CENPK: variants seen among roughly 807,000 people sequenced by gnomAD.
CENPK encodes SoxLZ/Sox6-binding protein Solt.
Under a neutral mutation model 40.9 loss-of-function variants are expected in CENPK, and 46 were observed. The ratio of observed to expected loss-of-function variants is 1.13; its 90% CI spans 0.89 to 1.44. The LOEUF is 1.44. Ranked by LOEUF, CENPK falls within the 40% of genes most tolerant of loss-of-function variation. The pLI is 0.00. For synonymous variants in CENPK, 107 were observed against 104.4 expected (o/e 1.02, Z -0.15); for missense variants, 288 against 303.5 (o/e 0.95, Z 0.38).
intron 9 of CENPK, among the ~76,000 whole-genome samples, chr5:65,523,441 T>A (rs1031103426): frequency 6.6e-6 from 1 of 151,854 alleles, no homozygotes; most frequent in African/African-American, 2.4e-5. Context: ...TTATAAAGCC[T>A]TGCAGAAATA....
At chr5:65,533,148 A>C (rs1746200321) in intron 6 of CENPK, among the ~76,000 whole-genome samples, 1 of 151,628 alleles carries the variant, frequency 6.6e-6, no homozygotes, top group Non-Finnish European at 1.5e-5. Context: ...TTAAGAGTTC[A>C]AGACCAGCCT....
chr5:65,501,752 T>A, the CENPK span, among the ~76,000 whole-genome samples: 18 of 152,100 alleles, frequency 1.2e-4, no homozygotes, highest in African/African-American at 4.3e-4. Context: ...CTTTGTGACA[T>A]CTGGGCAGCT....
intron 6 of CENPK, among the ~76,000 whole-genome samples, chr5:65,539,871 T>C (rs770110087): frequency 1.3e-5 from 2 of 152,246 alleles, no homozygotes; most frequent in Non-Finnish European, 2.9e-5. Context: ...CTGCAGTCTC[T>C]GCCACACCTA....
downstream of CENPK, among the ~76,000 whole-genome samples, chr5:65,514,635 T>C (rs1243431822): frequency 1.3e-5 from 2 of 152,206 alleles, no homozygotes; most frequent in East Asian, 3.8e-4. Context: ...TGGCATCACT[T>C]GACAAAATTG....
At chr5:65,545,493 T>C (rs1402076259) in intron 5 of CENPK, among the ~76,000 whole-genome samples, 2 of 151,860 alleles carry the variant, frequency 1.3e-5, no homozygotes, top group Admixed American at 6.6e-5. Context: ...CAACCCTGAA[T>C]TGCACATCCA....
At chr5:65,533,125 C>G (rs921656046) in intron 6 of CENPK, among the ~76,000 whole-genome samples, 15 of 151,424 alleles carry the variant, frequency 9.9e-5, no homozygotes, top group Non-Finnish European at 1.9e-4. Context: ...TTTGGGAGGC[C>G]GAGGACCTGA....
the CENPK span, among the ~76,000 whole-genome samples, chr5:65,496,253 CAAACA>C: frequency 5.7e-4 from 85 of 150,404 alleles, no homozygotes; most frequent in Admixed American, 4.3e-3. Flanking sequence ...GACCTTGTCT[CAAACA>C]AAACAAAACA....
chr5:65,547,673 T>G (rs955640485), intron 5 of CENPK, among the ~76,000 whole-genome samples: 1 of 149,730 alleles, frequency 6.7e-6, no homozygotes, highest in Admixed American at 6.7e-5. Flanking sequence ...GGGAATTTCT[T>G]TTTTTTTTTG....
At chr5:65,530,475 T>C (rs558902848) in intron 6 of CENPK, among the ~76,000 whole-genome samples, 4 of 152,308 alleles carry the variant, frequency 2.6e-5, no homozygotes, top group South Asian at 2.1e-4. Context: ...GGAAAGGGAA[T>C]AGTAAGTACA....
At chr5:65,556,315 A>C (rs1427385910) in intron 2 of CENPK, among the ~76,000 whole-genome samples, 1 of 152,050 alleles carries the variant, frequency 6.6e-6, no homozygotes, top group Non-Finnish European at 1.5e-5. Flanking sequence ...TCTATAAAAA[A>C]ATTTTAAAAA....
chr5:65,498,909 C>T, the CENPK span, among the ~76,000 whole-genome samples: 29 of 152,136 alleles, frequency 1.9e-4, 1 homozygote, highest in Admixed American at 1.0e-3. Context: ...GTTGGGATTA[C>T]GGGTGTGAGT....
At chr5:65,520,083 G>A (rs533393397) in intron 10 of CENPK, among the ~76,000 whole-genome samples, 1 of 152,264 alleles carries the variant, frequency 6.6e-6, no homozygotes, top group African/African-American at 2.4e-5. Flanking sequence ...TGGAGGTGGA[G>A]CCTGGTGGGA....
At chr5:65,556,213 C>G (rs1750950615) in intron 2 of CENPK, among the ~76,000 whole-genome samples, 1 of 152,140 alleles carries the variant, frequency 6.6e-6, no homozygotes, top group African/African-American at 2.4e-5. Context: ...TGACTCACAC[C>G]TGTAATCACA....
chr5:65,548,199 C>CAAG lies in CENPK; in HGVS notation c.241+3362_241+3364dup. Reference sequence around the variant, plus strand: ...CACTAAAGCAAATATCACAACAAAACAAGTCACACAAATTTTTTGTTTTCC... The same window carrying CAAG: ...CACTAAAGCAAATATCACAACAAAACAAGAAGTCACACAAATTTTTTGTTTTCC... On this transcript the variant is annotated intron_variant, in intron 5 of 10. Transcript: ENST00000396679. Among the ~76,000 whole-genome samples, 2 of 152,300 alleles carry CAAG rather than the reference C, an allele frequency of 1.3e-5. 1 individual carries two copies. Among genetic ancestry groups the CAAG allele is most frequent in the Non-Finnish European group, 2.9e-5 (2 of 68,004 alleles).
chr5:65,552,461 C>G (rs199850162), intron 4 of CENPK, 32 bp downstream of exon 4: 1 of 1,381,162 alleles, frequency 7.2e-7, no homozygotes, highest in Admixed American at 2.3e-5. Flanking sequence ...TTCCACTTAC[C>G]TTGTATTTTT....
chr5:65,513,306 A>C (rs899912353), downstream of CENPK, among the ~76,000 whole-genome samples: 10 of 152,180 alleles, frequency 6.6e-5, no homozygotes, highest in African/African-American at 2.4e-4. Flanking sequence ...TCGTTCCCTC[A>C]TTAACTATAA....
chr5:65,515,839 G>C (rs1742815600), downstream of CENPK, among the ~76,000 whole-genome samples: 1 of 152,078 alleles, frequency 6.6e-6, no homozygotes, highest in Non-Finnish European at 1.5e-5. Context: ...AGTCTATCTA[G>C]GCTACCCTAA....
At chr5:65,514,236 TTTTTTTTTTTTTTTTTTTTTTTTTTAG>T (rs1742695463), downstream of CENPK, among the ~76,000 whole-genome samples, 9 of 16,870 alleles carry the variant, frequency 5.3e-4, no homozygotes, top group South Asian at 0.013. Context: ...TAATCTTTTT[TTTTTTTTTTTTTTTTTTTTTTTTTTAG>T]TTTTTTTTAG....
the CENPK span, among the ~76,000 whole-genome samples, chr5:65,500,327 CCT>C: frequency 3.8e-5 from 5 of 130,112 alleles, no homozygotes; most frequent in African/African-American, 5.9e-5. Flanking sequence ...CTCTCCAGCC[CCT>C]GTTGTTTCCT....
Sources: gnomAD v4.1 joint callset for allele counts (sites outside exome capture counted in the v4.1 genomes callset) on GRCh38, gnomAD v4.1.1 for gene constraint, MANE v1.5 for transcripts, NCBI Gene and HGNC (gene_info 2026-07-23, HGNC 2026-07-21) for gene names.